PDE4B: variants seen among roughly 807,000 people sequenced by gnomAD.
The protein encoded by PDE4B is phosphodiesterase 4B, also known as 3',5'-cyclic-AMP phosphodiesterase 4B.
Under a neutral mutation model 82.2 loss-of-function variants are expected in PDE4B, and 20 were observed. The ratio of observed to expected loss-of-function variants is 0.24; its 90% CI spans 0.17 to 0.35. PDE4B has a LOEUF of 0.35. Ranked by LOEUF, PDE4B falls within the 10% of genes least tolerant of loss-of-function variation. The pLI, the probability that PDE4B is intolerant of heterozygous loss-of-function variation, is 1.00. For synonymous variants in PDE4B, 320 were observed against 318.9 expected (o/e 1.00, Z -0.04); for missense variants, 655 against 907.2 (o/e 0.72, Z 3.57).
chr1:66,080,285 A>G (rs927601866), intron 3 of PDE4B, among the ~76,000 whole-genome samples: 2 of 152,140 alleles, frequency 1.3e-5, no homozygotes, highest in Non-Finnish European at 2.9e-5. Flanking sequence ...ACAAATCACC[A>G]TGACACTACC....
chr1:65,892,542 C>G (rs1420528866), intron 1 of PDE4B, among the ~76,000 whole-genome samples: 1 of 151,962 alleles, frequency 6.6e-6, no homozygotes, highest in Non-Finnish European at 1.5e-5. Context: ...TTGTGAATAA[C>G]CCTTCACTTA....
intron 7 of PDE4B, among the ~76,000 whole-genome samples, chr1:66,269,946 C>T (rs1269718742): frequency 6.6e-6 from 1 of 152,128 alleles, no homozygotes; most frequent in East Asian, 1.9e-4. Context: ...GTGCTCTCTA[C>T]TAAATTTCTT....
chr1:66,031,819 A>C (rs574934991), intron 3 of PDE4B, among the ~76,000 whole-genome samples: 1 of 152,206 alleles, frequency 6.6e-6, no homozygotes, highest in Non-Finnish European at 1.5e-5. Flanking sequence ...TTCTAGTTAA[A>C]TTATGATCTG....
At chr1:65,976,279 G>A (rs777221669) in intron 3 of PDE4B, among the ~76,000 whole-genome samples, 4 of 152,240 alleles carry the variant, frequency 2.6e-5, no homozygotes, top group Non-Finnish European at 4.4e-5. Context: ...TTTCAGACTG[G>A]CACGGTGCCT....
intron 1 of PDE4B, among the ~76,000 whole-genome samples, chr1:65,824,608 C>T (rs1399591941): frequency 6.8e-6 from 1 of 147,898 alleles, no homozygotes; most frequent in Non-Finnish European, 1.5e-5. Context: ...GAATACTTCA[C>T]CTACATATAT....
intron 1 of PDE4B, among the ~76,000 whole-genome samples, chr1:65,898,829 G>C (rs867701757): frequency 1.3e-5 from 2 of 152,008 alleles, no homozygotes; most frequent in Middle Eastern, 3.4e-3. Context: ...GATGGATTAA[G>C]GACTTAAACC....
chr1:66,095,649 A>G (rs1420653732), intron 3 of PDE4B, among the ~76,000 whole-genome samples: 3 of 151,960 alleles, frequency 2.0e-5, no homozygotes, highest in African/African-American at 4.8e-5. Context: ...AGTGTGAACC[A>G]TGCTAGTTCT....
At chr1:66,056,483 A>C (rs1023881893) in intron 3 of PDE4B, among the ~76,000 whole-genome samples, 3 of 133,606 alleles carry the variant, frequency 2.2e-5, no homozygotes, top group African/African-American at 8.9e-5. Context: ...CTATCTATCT[A>C]TCATCTATCT....
intron 3 of PDE4B, among the ~76,000 whole-genome samples, chr1:66,162,305 C>CGTTTTTTTTTT: frequency 2.5e-5 from 1 of 40,288 alleles, no homozygotes; most frequent in Non-Finnish European, 4.4e-5. Flanking sequence ...ATGGACTTCT[C>CGTTTTTTTTTT]TTTTTTTTTT....
intron 3 of PDE4B, among the ~76,000 whole-genome samples, chr1:66,242,960 G>A (rs996428455): frequency 2.6e-5 from 4 of 152,198 alleles, no homozygotes; most frequent in Non-Finnish European, 4.4e-5. Flanking sequence ...GTGGGCCAGA[G>A]AACGTTCCTG....
intron 3 of PDE4B, among the ~76,000 whole-genome samples, chr1:65,994,541 T>C (rs1359949861): frequency 6.6e-6 from 1 of 152,116 alleles, no homozygotes; most frequent in African/African-American, 2.4e-5. Flanking sequence ...TATAAGGATG[T>C]ACTGACTTGA....
At chr1:65,863,111 C>G (rs769500226) in intron 1 of PDE4B, among the ~76,000 whole-genome samples, 8 of 152,094 alleles carry the variant, frequency 5.3e-5, no homozygotes, top group Non-Finnish European at 1.0e-4. Flanking sequence ...AATTTCATAT[C>G]TTTCCAGTTT....
In PDE4B at chr1:65,845,110, T is replaced by C. The variant is rs187246271; in HGVS notation, c.-71+51862T>C. Among the ~76,000 whole-genome samples the C allele has an allele frequency of 4.0e-3, 616 of 152,298 alleles. 4 individuals are homozygous for C. The highest frequency in any genetic ancestry group is 0.014 in the African/African-American group (566 of 41,574). On this transcript the variant is annotated intron_variant, in intron 1 of 16. Coordinates refer to ENST00000341517, the MANE Select transcript of PDE4B (RefSeq NM_002600.4). ...CCTCTATGACATGATAAATTGCTTT[T>C]AATTAGAATTGCAGACAATTTTTCA...
At position 66,197,758 on chromosome 1, in the gene PDE4B, G is replaced by A. The variant is rs1188494997; in HGVS notation, c.282-49702G>A. 2.0e-5 allele frequency among the ~76,000 whole-genome samples: 3 copies of A among 152,052 alleles called. No homozygotes were observed. In the East Asian group the frequency reaches 5.8e-4, roughly 29 times the overall value. The stretch of plus-strand genomic sequence containing the variant: ...CTTAAGGGTAAGGCAAACAAAAAAT[G>A]CATAGACAAAATTTAGAATACCTAA... On this transcript the variant is annotated intron_variant, in intron 3 of 16. Coordinates refer to ENST00000341517, the MANE Select transcript of PDE4B (RefSeq NM_002600.4).
intron 1 of PDE4B, among the ~76,000 whole-genome samples, chr1:65,849,195 G>C (rs2101380661): frequency 6.6e-6 from 1 of 152,270 alleles, no homozygotes; most frequent in East Asian, 1.9e-4. Context: ...TTTGCCTTCA[G>C]AAGTGCAAGG....
At chr1:65,823,081 C>G (rs894591847) in intron 1 of PDE4B, among the ~76,000 whole-genome samples, 1 of 152,000 alleles carries the variant, frequency 6.6e-6, no homozygotes, top group African/African-American at 2.4e-5. Flanking sequence ...TTCTTCTCTC[C>G]TGTTGTTCAT....
At chr1:66,049,059 A>G (rs1309596026) in intron 3 of PDE4B, among the ~76,000 whole-genome samples, 1 of 152,040 alleles carries the variant, frequency 6.6e-6, no homozygotes, top group African/African-American at 2.4e-5. Context: ...CATATCTTAT[A>G]TTTGAGTAAA....
chr1:66,302,204 TC>T (rs1321678457), intron 7 of PDE4B, among the ~76,000 whole-genome samples: 1 of 152,146 alleles, frequency 6.6e-6, no homozygotes, highest in African/African-American at 2.4e-5. Context: ...AAAGCACAGT[TC>T]ATCCACAAAC....
rs141688376 is a variant in PDE4B at position 66,311,564 on chromosome 1, A to T, written c.635-20944A>T. ...CACAACCTCCACTCACAGCCATGGCAGGTAGCTTGAGAGAACTTCTGGCTG... is the reference window on the plus strand; with the variant it reads ...CACAACCTCCACTCACAGCCATGGCTGGTAGCTTGAGAGAACTTCTGGCTG... On this transcript the variant is annotated intron_variant, in intron 7 of 16. Coordinates refer to ENST00000341517, the MANE Select transcript of PDE4B (RefSeq NM_002600.4). 4.6e-5 allele frequency among the ~76,000 whole-genome samples: 7 copies of T among 152,360 alleles called. No individual in the cohort carries two copies. In the East Asian group the frequency reaches 1.3e-3, roughly 29 times the overall value.
Sources: allele counts gnomAD v4.1 joint callset (sites outside exome capture counted in the v4.1 genomes callset), GRCh38; gene constraint gnomAD v4.1.1; transcripts MANE v1.5; gene names NCBI Gene and HGNC (gene_info 2026-07-23, HGNC 2026-07-21).